Variants in DTNBP1 observed in about 807,000 individuals in gnomAD.
DTNBP1 encodes the protein dysbindin.
In DTNBP1, 35 loss-of-function variants were observed where a neutral mutation model predicts 42.8. That is an observed-to-expected ratio of 0.82 (90% CI 0.63 to 1.09). The LOEUF (loss-of-function observed/expected upper bound fraction) is 1.09. Among genes scored for constraint, DTNBP1 ranks in the 50% least tolerant of loss-of-function variants. DTNBP1 has a pLI of 0.00. For missense variants in DTNBP1, 457 were observed against 424.2 expected, an observed-to-expected ratio of 1.08 and a Z score of -0.68; for synonymous variants, 171 against 162.2, an observed-to-expected ratio of 1.05 and a Z score of -0.41.
chr6:15,627,173 A>C (rs1047119408), intron 5 of DTNBP1, among the ~76,000 whole-genome samples, 170 bp downstream of exon 5: 1 of 152,188 alleles, frequency 6.6e-6, no homozygotes, highest in Non-Finnish European at 1.5e-5. Flanking sequence ...TACACTTTAC[A>C]TCATTTTCTG....
intron 6 of DTNBP1, among the ~76,000 whole-genome samples, chr6:15,604,844 C>T (rs1270174052): frequency 6.6e-6 from 1 of 152,160 alleles, no homozygotes; most frequent in African/African-American, 2.4e-5. Context: ...AATCAGGACC[C>T]TTAAAATATG....
At chr6:15,578,223 G>A (rs1775667546) in intron 7 of DTNBP1, among the ~76,000 whole-genome samples, 1 of 152,238 alleles carries the variant, frequency 6.6e-6, no homozygotes, top group Non-Finnish European at 1.5e-5. Context: ...GGGGGTGTTA[G>A]TGCAGGGAGC....
chr6:15,532,955 T>C (rs1772965259), intron 8 of DTNBP1, among the ~76,000 whole-genome samples: 1 of 152,126 alleles, frequency 6.6e-6, no homozygotes, highest in Non-Finnish European at 1.5e-5. Context: ...TGCCTTGGCC[T>C]GCCAAAGTGC....
chr6:15,523,030 G>A lies in DTNBP1; in HGVS notation c.1001C>T (p.Thr334Ile), dbSNP rs1772010538. 6.2e-7 allele frequency: 1 copy of A among 1,614,210 alleles called. No homozygotes were observed. The highest frequency in any genetic ancestry group is 1.1e-5 in the South Asian group (1 of 91,088). Residue 334 changes from threonine to isoleucine, a missense_variant, in exon 10 of 10, where the codon ACA (threonine) becomes ATA (isoleucine). Coordinates refer to ENST00000344537, the MANE Select transcript of DTNBP1 (RefSeq NM_032122.5). ...AGTGGCCTCTCTGTCAGTGTGTGAT[G>A]TGGCCAGGGCAGTGTCCACCTGAAC... is the stretch of plus-strand genomic sequence containing the variant. Reference protein sequence around the residue: ...EEVQVDTALATSHTDREATPD... With the variant: ...EEVQVDTALAISHTDREATPD...
chr6:15,557,323 T>C (rs1359838753), intron 7 of DTNBP1, among the ~76,000 whole-genome samples: 4 of 151,858 alleles, frequency 2.6e-5, no homozygotes, highest in Non-Finnish European at 4.4e-5. Context: ...GCTGAAGGTT[T>C]GAGCAAATTG....
At chr6:15,632,340 T>C (rs925234558) in intron 4 of DTNBP1, among the ~76,000 whole-genome samples, 2 of 152,234 alleles carry the variant, frequency 1.3e-5, no homozygotes, top group East Asian at 1.9e-4. Context: ...TATTCTCTTC[T>C]ACCATTTTCC....
intron 2 of DTNBP1, 132 bp downstream of exon 2, chr6:15,651,955 C>A: frequency 2.7e-6 from 2 of 747,404 alleles, no homozygotes; most frequent in South Asian, 2.0e-5. Flanking sequence ...TAGAAAGAAT[C>A]GATAAATTAT....
intron 5 of DTNBP1, among the ~76,000 whole-genome samples, chr6:15,621,805 G>C (rs1759058837): frequency 6.6e-6 from 1 of 152,068 alleles, no homozygotes; most frequent in Non-Finnish European, 1.5e-5. Context: ...ACTGAGCGTT[G>C]GTGCCTCCTC....
chr6:15,545,206 T>G (rs1773801071), intron 7 of DTNBP1, among the ~76,000 whole-genome samples: 1 of 152,228 alleles, frequency 6.6e-6, no homozygotes, highest in Non-Finnish European at 1.5e-5. Flanking sequence ...TTCCTGGCAT[T>G]GGTTTTCCTT....
intron 9 of DTNBP1, 127 bp from the exon 10 acceptor site, chr6:15,523,346 C>A: frequency 7.2e-7 from 1 of 1,389,712 alleles, no homozygotes; most frequent in Non-Finnish European, 9.9e-7. Context: ...GCACCTGGGG[C>A]CTGCAGAACT....
intron 6 of DTNBP1, among the ~76,000 whole-genome samples, chr6:15,609,464 T>G (rs757721828): frequency 5.9e-5 from 9 of 152,040 alleles, no homozygotes; most frequent in Non-Finnish European, 1.0e-4. Context: ...GGATTACAGG[T>G]GCACCCTGCC....
At chr6:15,595,031 C>A in intron 6 of DTNBP1, 1 of 440,048 alleles carries the variant, frequency 2.3e-6, no homozygotes, top group Admixed American at 2.5e-5. Flanking sequence ...GCTCACCCTG[C>A]AACCGTCTGT....
chr6:15,604,396 T>C (rs1038171939), intron 6 of DTNBP1, among the ~76,000 whole-genome samples: 2 of 152,172 alleles, frequency 1.3e-5, no homozygotes, highest in African/African-American at 4.8e-5. Flanking sequence ...GCTTGGCTCC[T>C]TCAGAGAAGG....
intron 6 of DTNBP1, 110 bp downstream of exon 6, chr6:15,615,157 T>G (rs1177666660): frequency 6.5e-7 from 1 of 1,527,010 alleles, no homozygotes; most frequent in Non-Finnish European, 9.1e-7. Flanking sequence ...ATCAGTTTTA[T>G]GTTGAAACCT....
intron 5 of DTNBP1, among the ~76,000 whole-genome samples, chr6:15,623,211 A>G (rs1174153998): frequency 6.6e-6 from 1 of 152,232 alleles, no homozygotes; most frequent in Non-Finnish European, 1.5e-5. Context: ...GACATCTGAT[A>G]ATCTAGTCCA....
chr6:15,662,789 T>C (rs771373343), intron 1 of DTNBP1, 25 bp downstream of exon 1: 5 of 1,611,574 alleles, frequency 3.1e-6, no homozygotes, highest in Non-Finnish European at 4.2e-6. Flanking sequence ...CTCAGGTCCC[T>C]TTTCGTCGCC....
At chr6:15,556,410 G>A (rs1056352940) in intron 7 of DTNBP1, among the ~76,000 whole-genome samples, 1 of 152,102 alleles carries the variant, frequency 6.6e-6, no homozygotes, top group Non-Finnish European at 1.5e-5. Context: ...TTGAACTCCT[G>A]ACCTCGTGAT....
At chr6:15,558,127 T>C (rs1052641907) in intron 7 of DTNBP1, among the ~76,000 whole-genome samples, 2 of 151,700 alleles carry the variant, frequency 1.3e-5, no homozygotes, top group Non-Finnish European at 2.9e-5. Context: ...TGTTAAATTA[T>C]TGTATACCAC....
At chr6:15,564,407 C>CT (rs551491122) in intron 7 of DTNBP1, among the ~76,000 whole-genome samples, 3 of 150,906 alleles carry the variant, frequency 2.0e-5, no homozygotes, top group Non-Finnish European at 4.4e-5. Flanking sequence ...TTTTTCCTTT[C>CT]TTTTTTTTTG....
Sources: gnomAD v4.1 joint callset for allele counts (sites outside exome capture counted in the v4.1 genomes callset) on GRCh38, gnomAD v4.1.1 for gene constraint, MANE v1.5 for transcripts, NCBI Gene and HGNC (gene_info 2026-07-23, HGNC 2026-07-21) for gene names.